HECW2: variants seen among roughly 807,000 people sequenced by gnomAD.
HECW2 encodes HECT, C2 and WW domain containing E3 ubiquitin protein ligase 2.
A neutral mutation model predicts 175.2 loss-of-function variants in HECW2; 61 were observed. That is an observed-to-expected ratio of 0.35 (90% confidence interval 0.28 to 0.43). The LOEUF (loss-of-function observed/expected upper bound fraction) is 0.43. Ranked by LOEUF, HECW2 falls within the 20% of genes least tolerant of loss-of-function variation. The pLI, the probability that HECW2 is intolerant of heterozygous loss-of-function variation, is 1.00. For missense variants in HECW2, 1,524 were observed against 2,000.5 expected, an observed-to-expected ratio of 0.76 and a Z score of 4.54; for synonymous variants, 671 against 731.0, an observed-to-expected ratio of 0.92 and a Z score of 1.32.
chr2:196,494,097 G>A lies in HECW2; in HGVS notation c.-35-60639C>T, dbSNP rs1201126778. On this transcript the variant is annotated intron_variant, in intron 1 of 28. Transcript: ENST00000644978. The stretch of plus-strand genomic sequence containing the variant: ...TAGTAGGAATTCACCAGTAAGGAGA[G>A]GCATTCCAAGAGAAAGGAATCCCGA... Among the ~76,000 whole-genome samples, 29 of 152,302 alleles carry A rather than the reference G, an allele frequency of 1.9e-4. 1 individual carries two copies. The South Asian group carries it at 2.1e-3, about 11-fold the overall frequency.
chr2:196,291,758 T>C (rs1344374255), intron 14 of HECW2: 1 of 152,234 alleles, frequency 6.6e-6, no homozygotes, highest in East Asian at 1.9e-4. Context: ...CACATGGAGC[T>C]GCTTATCTGT....
chr2:196,521,356 C>G (rs1688374583), intron 1 of HECW2, among the ~76,000 whole-genome samples: 2 of 142,850 alleles, frequency 1.4e-5, no homozygotes, highest in Admixed American at 1.4e-4. Flanking sequence ...TAATTTTATA[C>G]AGAAAATTTC....
intron 1 of HECW2, among the ~76,000 whole-genome samples, chr2:196,574,305 C>G (rs1262373612): frequency 6.6e-6 from 1 of 151,874 alleles, no homozygotes; most frequent in African/African-American, 2.4e-5. Flanking sequence ...TGGTATGCAC[C>G]CATAATCCCA....
chr2:196,401,775 CTAA>C, intron 2 of HECW2, among the ~76,000 whole-genome samples: 1 of 152,218 alleles, frequency 6.6e-6, no homozygotes, highest in African/African-American at 2.4e-5. Flanking sequence ...AAAATTTTTA[CTAA>C]TGAGAATATT....
At chr2:196,393,630 A>T (rs1190776546) in intron 2 of HECW2, among the ~76,000 whole-genome samples, 1 of 152,168 alleles carries the variant, frequency 6.6e-6, no homozygotes, top group African/African-American at 2.4e-5. Flanking sequence ...GTTAGAATGG[A>T]GATCATTAAA....
chr2:196,275,560 T>C (rs541601939), intron 15 of HECW2, among the ~76,000 whole-genome samples: 2 of 152,162 alleles, frequency 1.3e-5, no homozygotes, highest in African/African-American at 4.8e-5. Context: ...GAGACCATCC[T>C]GGCCAACATG....
rs1304101310 is a variant in HECW2, at chr2:196,361,729, G to A, written c.293-17965C>T. 3.3e-6 allele frequency: 3 copies of A among 909,390 alleles called. No homozygotes were observed. In the African/African-American group the frequency reaches 5.4e-5, roughly 16 times the overall value. 56.3% of individuals were successfully genotyped at this position (909,390 alleles called of 1,614,324 possible). On this transcript the variant is annotated intron_variant, in intron 2 of 28. Transcript: ENST00000644978. ...TAAGAGCTTTTCAAAGTGAAAGGCA[G>A]AGAAAACTGTAAATCCCAAACAGCT...
At chr2:196,551,029 C>G (rs1281799028) in intron 1 of HECW2, among the ~76,000 whole-genome samples, 2 of 152,224 alleles carry the variant, frequency 1.3e-5, no homozygotes, top group African/African-American at 4.8e-5. Flanking sequence ...GCCAAACATT[C>G]AAACTTCCAA....
At chr2:196,465,254 T>G (rs557443529) in intron 1 of HECW2, among the ~76,000 whole-genome samples, 2 of 152,312 alleles carry the variant, frequency 1.3e-5, no homozygotes, top group South Asian at 4.1e-4. Flanking sequence ...GCTGATTTGC[T>G]ATTGCTTTTT....
intron 1 of HECW2, among the ~76,000 whole-genome samples, chr2:196,511,148 C>G (rs1166935225): frequency 1.3e-5 from 2 of 152,166 alleles, no homozygotes; most frequent in East Asian, 3.9e-4. Context: ...GTATTTTTAG[C>G]AAAGAGAGGG....
chr2:196,440,549 ATGT>A (rs1696008634), intron 1 of HECW2, among the ~76,000 whole-genome samples: 1 of 152,168 alleles, frequency 6.6e-6, no homozygotes, highest in African/African-American at 2.4e-5. Context: ...ACCCTATTCA[ATGT>A]AATATTCTCA....
intron 1 of HECW2, among the ~76,000 whole-genome samples, chr2:196,480,452 C>T (rs144526275): frequency 1.1e-3 from 163 of 152,224 alleles, no homozygotes; most frequent in African/African-American, 3.8e-3. Context: ...CCCTCAAGGC[C>T]CCAAGGGTAG....
chr2:196,322,670 A>T, intron 6 of HECW2, 50 bp from the exon 7 acceptor site: 1 of 1,485,518 alleles, frequency 6.7e-7, no homozygotes, highest in Non-Finnish European at 9.3e-7. Flanking sequence ...GACAAATATG[A>T]TACTATATCA....
In HECW2 at chr2:196,476,947, CAAAAAAAAAAAAAAAAAAA is replaced by C. The variant is rs35714216; in HGVS notation, c.-35-43508_-35-43490del. Among the ~76,000 whole-genome samples, 86 of 57,412 alleles carry C rather than the reference CAAAAAAAAAAAAAAAAAAA, an allele frequency of 1.5e-3. No homozygotes were observed. The East Asian group carries it at 0.029, about 19-fold the overall frequency. 37.7% of individuals were successfully genotyped at this position (57,412 alleles called of 152,430 possible). A position where few individuals can be genotyped will look rare whatever the true frequency, so the allele number is the denominator to read the frequency against. Reference sequence around the variant, plus strand: ...GCAACATGACAAGACCCCATCTCCACAAAAAAAAAAAAAAAAAAAAAAAAAAAAGGAAAACAACTTTAAA... The same window carrying C: ...GCAACATGACAAGACCCCATCTCCACAAAAAAAAAGGAAAACAACTTTAAA... On this transcript the variant is annotated intron_variant, in intron 1 of 28. Transcript: ENST00000644978.
chr2:196,490,287 C>T (rs535867013), intron 1 of HECW2, among the ~76,000 whole-genome samples: 2 of 152,066 alleles, frequency 1.3e-5, no homozygotes, highest in Non-Finnish European at 2.9e-5. Context: ...AAAGGTTGTC[C>T]CTCTTTCCCT....
rs1293265867 is a variant in HECW2, at chr2:196,396,712, A to G, written c.292+36420T>C. 2.0e-5 allele frequency among the ~76,000 whole-genome samples: 3 copies of G among 152,226 alleles called. No individual in the cohort carries two copies. The East Asian group carries it at 5.8e-4, about 29-fold the overall frequency. On this transcript the variant is annotated intron_variant, in intron 2 of 28. Coordinates refer to ENST00000644978, the MANE Select transcript of HECW2 (RefSeq NM_001348768.2). ...GTTAACAGAGATCAAGAAGGAAACA[A>G]GAATTAGTAAAGTGGCCTGGGTGGG... is the stretch of plus-strand genomic sequence containing the variant.
intron 2 of HECW2, chr2:196,361,747 A>T: frequency 1.0e-6 from 1 of 966,760 alleles, no homozygotes; most frequent in South Asian, 4.8e-5. Context: ...TGTAAATCCC[A>T]AACAGCTGGA....
chr2:196,571,705 A>C (rs941017838), intron 1 of HECW2, among the ~76,000 whole-genome samples: 7 of 151,896 alleles, frequency 4.6e-5, no homozygotes, highest in African/African-American at 1.7e-4. Flanking sequence ...TGTCTCAAAA[A>C]AAAAAATAAA....
At chr2:196,357,424 C>A (rs1451301304) in intron 2 of HECW2, among the ~76,000 whole-genome samples, 1 of 152,176 alleles carries the variant, frequency 6.6e-6, no homozygotes, top group Non-Finnish European at 1.5e-5. Flanking sequence ...CTTCTCCTCC[C>A]TCTCTTTATT....
Sources: allele counts gnomAD v4.1 joint callset (sites outside exome capture counted in the v4.1 genomes callset), GRCh38; gene constraint gnomAD v4.1.1; transcripts MANE v1.5; gene names NCBI Gene and HGNC (gene_info 2026-07-23, HGNC 2026-07-21).